Variants in MRPL21 observed in about 807,000 individuals in gnomAD.
MRPL21 encodes the protein mitochondrial ribosomal protein L21, also known as large ribosomal subunit protein bL21m.
In MRPL21, 20 loss-of-function variants were observed where a neutral mutation model predicts 27.3. The ratio of observed to expected loss-of-function variants is 0.73; its 90% CI spans 0.52 to 1.06. The LOEUF is 1.06. Among genes scored for constraint, MRPL21 ranks in the 50% least tolerant of loss-of-function variants. MRPL21 has a pLI of 0.00. For synonymous variants in MRPL21, 98 were observed against 101.5 expected (o/e 0.97, Z 0.21); for missense variants, 249 against 251.4 (o/e 0.99, Z 0.06).
chr11:68,893,552 A>G, intron 4 of MRPL21, 97 bp from the exon 5 acceptor site: 1 of 1,439,188 alleles, frequency 6.9e-7, no homozygotes, highest in Non-Finnish European at 9.7e-7. Flanking sequence ...ACACAAAATG[A>G]GAAAGACTGA....
Position 68,891,283 on chromosome 11 carries a change from G to A in MRPL21, c.*48C>T. On this transcript the variant is annotated 3_prime_UTR_variant, in exon 7 of 7. Transcript: ENST00000362034. ...CAGAACACAGAAACCTGGTCTCCTT[G>A]GGAAGCAGGAGTTTATTTTTATCCT... 6.3e-7 allele frequency: 1 copy of A among 1,575,330 alleles called. No individual in the cohort carries two copies.
chr11:68,892,631 G>A (rs955363727), intron 6 of MRPL21: 2 of 1,412,144 alleles, frequency 1.4e-6, no homozygotes, highest in South Asian at 2.9e-5. Context: ...GAAGGGGAGC[G>A]AGGTGGGGTC....
chr11:68,891,879 A>T, intron 6 of MRPL21: 1 of 482,718 alleles, frequency 2.1e-6, no homozygotes, highest in Non-Finnish European at 3.6e-6. Context: ...AGAATTCTGC[A>T]GCCGCTCAGC....
rs140044531 is a variant in MRPL21, at chr11:68,892,896, T to C, written c.547A>G (p.Lys183Glu). 690 of 1,612,178 alleles carry C rather than the reference T, an allele frequency of 4.3e-4. 2 individuals are homozygous for C. In the African/African-American group the frequency reaches 8.1e-3, roughly 19 times the overall value. The change falls in exon 6 of 7, where the codon AAA (lysine) becomes GAA (glutamate). Residue 183 changes from lysine to glutamate, a missense_variant. Transcript: ENST00000362034. ...RFRKRKNFKK[K>E]RIVTTPQTVL... ...GGTACTTTCTCTAACTTACTTCTTT[T>C]CTTCTTGAAGTTTTTCCTTTTCCTG...
At position 68,895,558 on chromosome 11, in the gene MRPL21, G is replaced by C. The variant is rs147501933; in HGVS notation, c.396+957C>G. On this transcript the variant is annotated intron_variant, in intron 4 of 6. Coordinates refer to ENST00000362034, the MANE Select transcript of MRPL21 (RefSeq NM_181514.2). ...CTAGCTACTCGGGAGGCTGAGGCAG[G>C]AGAATCACTTGAACCCAGGAGGTGG... Among the ~76,000 whole-genome samples the C allele has an allele frequency of 2.1e-3, 313 of 152,286 alleles. 4 individuals carry two copies. The highest frequency in any genetic ancestry group is 0.015 in the East Asian group (80 of 5,162).
chr11:68,901,444 A>G (rs1046947795), intron 1 of MRPL21, among the ~76,000 whole-genome samples: 2 of 152,238 alleles, frequency 1.3e-5, no homozygotes, highest in African/African-American at 4.8e-5. Context: ...CTGAGAAGAC[A>G]GGGGATCAAA....
chr11:68,897,150 C>A (rs188950855), intron 3 of MRPL21, among the ~76,000 whole-genome samples: 113 of 152,268 alleles, frequency 7.4e-4, no homozygotes, highest in African/African-American at 2.6e-3. Flanking sequence ...CATATCCCAC[C>A]CCTGGGGCAG....
intron 1 of MRPL21, among the ~76,000 whole-genome samples, chr11:68,902,081 G>A (rs1013198628): frequency 6.6e-5 from 10 of 152,152 alleles, no homozygotes; most frequent in Non-Finnish European, 1.0e-4. Flanking sequence ...TCTCCCACAG[G>A]ATTTCCTTTA....
intron 6 of MRPL21, 28 bp from the exon 7 acceptor site, chr11:68,891,423 C>T (rs752963820): frequency 5.0e-6 from 8 of 1,611,972 alleles, no homozygotes; most frequent in South Asian, 1.1e-5. Flanking sequence ...ACAGGCTTGA[C>T]CACAGACCCT....
At chr11:68,900,409 T>C (rs1857904571) in intron 2 of MRPL21, 139 bp downstream of exon 2, 5 of 849,648 alleles carry the variant, frequency 5.9e-6, no homozygotes, top group South Asian at 1.6e-5. Flanking sequence ...CTGGGAAACA[T>C]AGTGAAACTC....
chr11:68,903,481 T>G (rs1165332514), intron 1 of MRPL21, among the ~76,000 whole-genome samples: 2 of 152,198 alleles, frequency 1.3e-5, no homozygotes, highest in Non-Finnish European at 2.9e-5. Context: ...TGAGCCTCAC[T>G]CTTCTCCCCC....
intron 4 of MRPL21, among the ~76,000 whole-genome samples, chr11:68,895,538 T>C (rs553675853): frequency 6.6e-6 from 1 of 152,114 alleles, no homozygotes; most frequent in Non-Finnish European, 1.5e-5. Flanking sequence ...TAATCCTAGC[T>C]ACTCGGGAGG....
chr11:68,903,687 C>G lies in MRPL21; in HGVS notation c.88+36G>C, dbSNP rs548854866. The G allele has an allele frequency of 1.9e-6, 3 of 1,606,564 alleles. 1 individual carries two copies. In the South Asian group the frequency reaches 3.3e-5, roughly 18 times the overall value. On this transcript the variant is annotated intron_variant, in intron 1 of 6. Coordinates refer to ENST00000362034, the MANE Select transcript of MRPL21 (RefSeq NM_181514.2). Reference sequence around the variant, plus strand: ...GAGACCGCAGGGAGCAGCGCTCGCTCTGCGTCCTCCCTTCCTCCCATATCC... The same window carrying G: ...GAGACCGCAGGGAGCAGCGCTCGCTGTGCGTCCTCCCTTCCTCCCATATCC...
rs1858042020 is a variant in MRPL21, at chr11:68,903,734, C to G, written c.77G>C (p.Gly26Ala). ...ATCCCAGGTCTCACCTGCTCCGGGC[C>G]CCGAAGGTCTCAGGATGCTGTGGCT... ...ACSHSILRPS[G>A]PGAASLWSAS... The change falls in exon 1 of 7, where the codon GGG (glycine) becomes GCG (alanine). Residue 26 changes from glycine to alanine, a missense_variant. Physicochemically the swap from Gly to Ala is moderately conservative, Grantham distance 60. Coordinates refer to ENST00000362034, the MANE Select transcript of MRPL21 (RefSeq NM_181514.2). 13 of 1,613,326 alleles carry G rather than the reference C, an allele frequency of 8.1e-6. No homozygotes were observed. Among genetic ancestry groups the G allele is most frequent in the Non-Finnish European group, 1.1e-5 (13 of 1,180,034 alleles).
chr11:68,893,987 C>T (rs1372898249), intron 4 of MRPL21, among the ~76,000 whole-genome samples: 1 of 152,034 alleles, frequency 6.6e-6, no homozygotes, highest in Middle Eastern at 3.2e-3. Context: ...GATTGCACCA[C>T]TGCACTCCAG....
intron 2 of MRPL21, among the ~76,000 whole-genome samples, chr11:68,899,905 C>T (rs1242536351): frequency 2.0e-5 from 3 of 152,306 alleles, no homozygotes; most frequent in African/African-American, 4.8e-5. Context: ...CTCTCCAACA[C>T]CCATGCAGAT....
chr11:68,902,827 C>A (rs1377444195), intron 1 of MRPL21, among the ~76,000 whole-genome samples: 13 of 151,816 alleles, frequency 8.6e-5, no homozygotes, highest in Non-Finnish European at 1.6e-4. Flanking sequence ...AATCCTCTTA[C>A]CCCCCATGTA....
intron 4 of MRPL21, among the ~76,000 whole-genome samples, chr11:68,894,686 C>A (rs2154005574): frequency 6.6e-6 from 1 of 152,304 alleles, no homozygotes; most frequent in African/African-American, 2.4e-5. Flanking sequence ...TATCATATAA[C>A]AAACTCAGCG....
chr11:68,896,519 T>G lies in MRPL21; in HGVS notation c.392A>C (p.Glu131Ala). The change falls in exon 4 of 7, where the codon GAG (glutamate) becomes GCG (alanine). Residue 131 changes from glutamate to alanine, a missense_variant. Transcript: ENST00000362034. ...DLACGERIRLEKVLLVGADNF... is the reference protein window; with the variant it reads ...DLACGERIRLAKVLLVGADNF... ...AGAGAAGCTCGGTGGTCTCACCTTC[T>G]CCAGTCGAATTCTCTCTCCACACGC... is the stretch of plus-strand genomic sequence containing the variant. 6.2e-7 allele frequency: 1 copy of G among 1,613,968 alleles called. No homozygotes were observed.
Sources: allele counts gnomAD v4.1 joint callset (sites outside exome capture counted in the v4.1 genomes callset), GRCh38; gene constraint gnomAD v4.1.1; transcripts MANE v1.5; gene names NCBI Gene and HGNC (gene_info 2026-07-23, HGNC 2026-07-21).